Variants in DPP10 observed in about 807,000 individuals in gnomAD.
The protein encoded by DPP10 is dipeptidyl peptidase like 10.
A neutral mutation model predicts 120.9 loss-of-function variants in DPP10; 33 were observed. That is an observed-to-expected ratio of 0.27 (90% CI 0.21 to 0.37). DPP10 has a LOEUF of 0.37. Among genes scored for constraint, DPP10 ranks in the 10% least tolerant of loss-of-function variants. DPP10 has a pLI of 1.00. For missense variants in DPP10, 816 were observed against 942.8 expected, an observed-to-expected ratio of 0.87 and a Z score of 1.76; for synonymous variants, 337 against 326.1, an observed-to-expected ratio of 1.03 and a Z score of -0.36.
At chr2:115,080,899 A>C (rs1001565754) in intron 1 of DPP10, among the ~76,000 whole-genome samples, 4 of 152,172 alleles carry the variant, frequency 2.6e-5, no homozygotes, top group African/African-American at 9.7e-5. Context: ...TCTCTAGATT[A>C]TAATCATTCT....
intron 1 of DPP10, among the ~76,000 whole-genome samples, chr2:114,612,044 A>G (rs1693321443): frequency 6.6e-6 from 1 of 152,210 alleles, no homozygotes; most frequent in Non-Finnish European, 1.5e-5. Context: ...AGTTGCAACT[A>G]CACATATACT....
chr2:115,595,040 T>C (rs1008707934), intron 5 of DPP10, among the ~76,000 whole-genome samples: 5 of 152,130 alleles, frequency 3.3e-5, no homozygotes, highest in African/African-American at 7.2e-5. Flanking sequence ...GGACCTAATA[T>C]CTAAAAAGCT....
intron 5 of DPP10, among the ~76,000 whole-genome samples, chr2:115,645,374 T>C (rs2087151182): frequency 6.6e-6 from 1 of 152,198 alleles, no homozygotes; most frequent in Admixed American, 6.5e-5. Context: ...ATGACTATGA[T>C]AAGCTGGAGC....
At chr2:115,029,815 T>A (rs1408171153) in intron 1 of DPP10, among the ~76,000 whole-genome samples, 1 of 152,176 alleles carries the variant, frequency 6.6e-6, no homozygotes, top group Non-Finnish European at 1.5e-5. Context: ...GTTTAGCAGA[T>A]CACAGAAGTG....
chr2:115,369,917 A>G (rs573749677), intron 3 of DPP10, among the ~76,000 whole-genome samples: 1 of 152,186 alleles, frequency 6.6e-6, no homozygotes, highest in African/African-American at 2.4e-5. Context: ...ATCCATCTCT[A>G]ATGCACAGAG....
chr2:115,781,888 A>G (rs1168804106), intron 16 of DPP10, among the ~76,000 whole-genome samples: 1 of 152,058 alleles, frequency 6.6e-6, no homozygotes, highest in Non-Finnish European at 1.5e-5. Context: ...TTAAATTAAT[A>G]TATAGTTACC....
At chr2:115,322,038 C>A (rs2062089431) in intron 2 of DPP10, among the ~76,000 whole-genome samples, 1 of 152,102 alleles carries the variant, frequency 6.6e-6, no homozygotes, top group Non-Finnish European at 1.5e-5. Context: ...AATGTCTGTG[C>A]CTCCCCAGCA....
chr2:115,448,660 A>T (rs904242732), intron 3 of DPP10, among the ~76,000 whole-genome samples: 1 of 152,210 alleles, frequency 6.6e-6, no homozygotes, highest in African/African-American at 2.4e-5. Flanking sequence ...TTAAAATATT[A>T]TGTGTAATGA....
At chr2:114,576,603 C>T (rs936558454) in intron 1 of DPP10, among the ~76,000 whole-genome samples, 3 of 152,120 alleles carry the variant, frequency 2.0e-5, no homozygotes, top group African/African-American at 7.2e-5. Context: ...TCTTTGGGTA[C>T]AGGACAAGGT....
At chr2:114,568,627 G>T (rs1689395034) in intron 1 of DPP10, among the ~76,000 whole-genome samples, 1 of 152,164 alleles carries the variant, frequency 6.6e-6, no homozygotes. Flanking sequence ...ACGACAATCA[G>T]AATTACAGTG....
intron 1 of DPP10, among the ~76,000 whole-genome samples, chr2:114,656,908 G>A (rs1697004909): frequency 6.6e-6 from 1 of 152,050 alleles, no homozygotes; most frequent in Admixed American, 6.6e-5. Flanking sequence ...ACCAAGTTAA[G>A]AGAAAAGGAA....
chr2:115,303,058 A>C (rs908289816), intron 1 of DPP10, among the ~76,000 whole-genome samples: 1 of 152,042 alleles, frequency 6.6e-6, no homozygotes, highest in African/African-American at 2.4e-5. Context: ...ACAATAGTCC[A>C]TAATGTTTGT....
intron 1 of DPP10, among the ~76,000 whole-genome samples, chr2:114,508,114 A>G (rs1683832418): frequency 2.6e-5 from 4 of 151,044 alleles, no homozygotes; most frequent in Admixed American, 2.6e-4. Context: ...CATAATTTAC[A>G]TACAATAACA....
At chr2:115,232,592 A>C (rs543508920) in intron 1 of DPP10, among the ~76,000 whole-genome samples, 1 of 152,202 alleles carries the variant, frequency 6.6e-6, no homozygotes, top group African/African-American at 2.4e-5. Context: ...GTTGTCATAT[A>C]GCCACTGGAA....
At chr2:115,277,367 C>T (rs1015305542) in intron 1 of DPP10, among the ~76,000 whole-genome samples, 1 of 146,550 alleles carries the variant, frequency 6.8e-6, no homozygotes. Flanking sequence ...TGGAAGACTA[C>T]ACTATCTTTT....
At chr2:114,815,646 A>T (rs891348650) in intron 1 of DPP10, among the ~76,000 whole-genome samples, 2 of 152,202 alleles carry the variant, frequency 1.3e-5, no homozygotes, top group Non-Finnish European at 2.9e-5. Flanking sequence ...AATTTCAGTC[A>T]TCACTAAATA....
intron 4 of DPP10, among the ~76,000 whole-genome samples, chr2:115,503,273 G>C (rs765234031): frequency 3.9e-5 from 6 of 152,154 alleles, no homozygotes; most frequent in Non-Finnish European, 8.8e-5. Context: ...GATTTATAAT[G>C]CCTAGAGACA....
intron 1 of DPP10, among the ~76,000 whole-genome samples, chr2:114,465,771 T>C (rs1679312601): frequency 6.6e-6 from 1 of 152,360 alleles, no homozygotes; most frequent in South Asian, 2.1e-4. Flanking sequence ...GATACATGTA[T>C]GCAATGTGTA....
intron 1 of DPP10, among the ~76,000 whole-genome samples, chr2:114,511,620 A>T (rs1052758616): frequency 6.6e-6 from 1 of 152,210 alleles, no homozygotes; most frequent in Non-Finnish European, 1.5e-5. Flanking sequence ...CAAGATCTCA[A>T]CTGAGCTTCT....
Sources: gnomAD v4.1 joint callset for allele counts (sites outside exome capture counted in the v4.1 genomes callset) on GRCh38, gnomAD v4.1.1 for gene constraint, MANE v1.5 for transcripts, NCBI Gene and HGNC (gene_info 2026-07-23, HGNC 2026-07-21) for gene names.